ROBO4: variants seen among roughly 807,000 people sequenced by gnomAD.
ROBO4 encodes roundabout homolog 4.
Under a neutral mutation model 103.3 loss-of-function variants are expected in ROBO4, and 80 were observed. The observed-to-expected ratio is 0.77, with a 90% CI of 0.65 to 0.93. ROBO4 has a LOEUF of 0.93. Ranked by LOEUF, ROBO4 falls within the 40% of genes least tolerant of loss-of-function variation. The pLI, the probability that ROBO4 is intolerant of heterozygous loss-of-function variation, is 0.00. For missense variants in ROBO4, 1,333 were observed against 1,305.3 expected (o/e 1.02, Z -0.33); for synonymous variants, 504 against 529.7 (o/e 0.95, Z 0.67).
At position 124,897,171 on chromosome 11, in the gene ROBO4, T is replaced by C. The variant is rs59648931; in HGVS notation, c.161A>G (p.Gln54Arg). ...GGTGGGAGGTGGCTGGCCTGAGGCT[T>C]GGCAGCTCATCCTGGCAGGGCCAGG... Reference protein sequence around the residue: ...QGPGPARMSCQASGQPPPTIR... With the variant: ...QGPGPARMSCRASGQPPPTIR... Residue 54 changes from glutamine to arginine, a missense_variant, in exon 2 of 18, where the codon CAA becomes CGA. By Grantham distance (43) the Gln-to-Arg change is conservative. Transcript: ENST00000306534. 0.26 allele frequency: 403,937 copies of C among 1,539,014 alleles called. 58,299 individuals carry two copies. Among genetic ancestry groups the C allele is most frequent in the African/African-American group, 0.58 (42,450 of 73,138 alleles).
chr11:124,893,854 T>A lies in ROBO4; in HGVS notation c.1504+6A>T. The A allele has an allele frequency of 6.2e-7, 1 of 1,613,128 alleles. No individual in the cohort carries two copies. Among genetic ancestry groups the A allele is most frequent in the Non-Finnish European group, 8.5e-7 (1 of 1,179,672 alleles). On this transcript the variant is annotated splice_donor_region_variant and intron_variant, in intron 9 of 17. Coordinates refer to ENST00000306534, the MANE Select transcript of ROBO4 (RefSeq NM_019055.6). ...GTATACATGTGGGTCCCCCTCAGACTCTCACCTGGGCCCAGGTGCACCCTA... is the reference window on the plus strand; with the variant it reads ...GTATACATGTGGGTCCCCCTCAGACACTCACCTGGGCCCAGGTGCACCCTA...
Position 124,896,670 on chromosome 11 carries a change from A to G in ROBO4, c.401T>C (p.Val134Ala), listed in dbSNP as rs1188147916. The part of the protein sequence containing the change: ...VSRGARLSVA[V>A]LREDFQIQPR... ...CTGGATCTGGAAATCCTCCCGGAGGACTGTGGGGAGGATGGAAGGTGACAC... is the reference window on the plus strand; with the variant it reads ...CTGGATCTGGAAATCCTCCCGGAGGGCTGTGGGGAGGATGGAAGGTGACAC... The change falls in exon 3 of 18, where the codon GTC (valine) becomes GCC (alanine). Residue 134 changes from valine (V) to alanine (A), a missense_variant and splice_region_variant. Val to Ala is a moderately conservative substitution (Grantham distance 64). Coordinates refer to ENST00000306534, the MANE Select transcript of ROBO4 (RefSeq NM_019055.6). 2.5e-6 allele frequency: 4 copies of G among 1,613,652 alleles called. No individual in the cohort carries two copies. Among genetic ancestry groups the G allele is most frequent in the Non-Finnish European group, 3.4e-6 (4 of 1,179,824 alleles).
At chr11:124,893,541 G>A in intron 10 of ROBO4, 147 bp downstream of exon 10, 3 of 746,600 alleles carry the variant, frequency 4.0e-6, no homozygotes, top group Non-Finnish European at 7.3e-6. Context: ...ACAGAGAAAT[G>A]AACTATCAGT....
intron 2 of ROBO4, 121 bp from the exon 3 acceptor site, chr11:124,896,791 C>A: frequency 3.3e-6 from 5 of 1,510,674 alleles, no homozygotes; most frequent in Non-Finnish European, 4.4e-6. Flanking sequence ...CAGCCCCGCC[C>A]CAGCTTGCCC....
At position 124,887,788 on chromosome 11, in the gene ROBO4, C is replaced by A. The variant is rs1348403321; in HGVS notation, c.2001G>T (p.Glu667Asp). The change falls in exon 13 of 18, where the codon GAG becomes GAT. Residue 667 changes from glutamate (E) to aspartate (D), a missense_variant. Physicochemically the swap from Glu to Asp is conservative, Grantham distance 45. Coordinates refer to ENST00000306534, the MANE Select transcript of ROBO4 (RefSeq NM_019055.6). ...TATTTCCTAACTCACAGGCCCGGAGCTCCAAGGAGTGGCTGCCCCGGAGCA... is the reference window on the plus strand; with the variant it reads ...TATTTCCTAACTCACAGGCCCGGAGATCCAAGGAGTGGCTGCCCCGGAGCA... ...SPLLRGSHSL[E>D]LRACELGNRG... 1.9e-6 allele frequency: 3 copies of A among 1,613,916 alleles called. No homozygotes were observed. The highest frequency in any genetic ancestry group is 2.5e-6 in the Non-Finnish European group (3 of 1,179,978).
chr11:124,886,933 C>A (rs1946723582), intron 15 of ROBO4, 44 bp downstream of exon 15: 1 of 1,569,426 alleles, frequency 6.4e-7, no homozygotes, highest in Admixed American at 1.8e-5. Context: ...CGCTTGCCCC[C>A]ACAGCTTTTC....
chr11:124,896,169 C>T, intron 4 of ROBO4, 29 bp downstream of exon 4: 1 of 1,610,970 alleles, frequency 6.2e-7, no homozygotes, highest in Non-Finnish European at 8.5e-7. Flanking sequence ...TGCAGCCTGG[C>T]TCTGATTGTA....
chr11:124,890,586 C>T (rs1946783443), intron 12 of ROBO4, among the ~76,000 whole-genome samples: 1 of 152,206 alleles, frequency 6.6e-6, no homozygotes, highest in South Asian at 2.1e-4. Context: ...CATTCTGACC[C>T]TCTTCCTGTC....
rs868068837 is a variant in ROBO4 at position 124,894,239 on chromosome 11, C to A, written c.1280G>T (p.Gly427Val). The change falls in exon 8 of 18, where the codon GGA (glycine) becomes GTA (valine). Residue 427 changes from glycine to valine, a missense_variant. Gly to Val is a moderately radical substitution (Grantham distance 109, BLOSUM62 -3). Transcript: ENST00000306534. ...GACAGGTCTACTGGGCTCCCCAGCT[C>A]CAGCACCAGTGACTGCAGCCACTTG... ...CVQVAAVTGA[G>V]AGEPSRPVCL... 6.2e-6 allele frequency: 10 copies of A among 1,613,676 alleles called. No homozygotes were observed. The African/African-American group carries it at 1.2e-4, about 19-fold the overall frequency.
In ROBO4 at chr11:124,896,037, C is replaced by G. The variant is rs1591537229; in HGVS notation, c.680-125G>C. ...ACTCCCAGAGTCTCCAGGTCTTGAGCATTCCGATTTCTACTCTAGCAGGGG... is the reference window on the plus strand; with the variant it reads ...ACTCCCAGAGTCTCCAGGTCTTGAGGATTCCGATTTCTACTCTAGCAGGGG... On this transcript the variant is annotated intron_variant, in intron 4 of 17. Transcript: ENST00000306534. 2.6e-6 allele frequency: 4 copies of G among 1,530,232 alleles called. No homozygotes were observed. In the South Asian group the frequency reaches 3.6e-5, roughly 14 times the overall value. 94.8% of individuals were successfully genotyped at this position (1,530,232 alleles called of 1,614,324 possible). A position where few individuals can be genotyped will look rare whatever the true frequency, so the allele number is the denominator to read the frequency against.
chr11:124,892,487 C>G (rs1946815317), intron 10 of ROBO4: 1 of 168,794 alleles, frequency 5.9e-6, no homozygotes, highest in Admixed American at 5.6e-5. Flanking sequence ...CCATCTCACA[C>G]CCTATACCCG....
In ROBO4 at chr11:124,895,610, C is replaced by A; in HGVS notation, c.883G>T (p.Ala295Ser). The change falls in exon 6 of 18, where the codon GCT becomes TCT. Residue 295 changes from alanine (A) to serine (S), a missense_variant. Coordinates refer to ENST00000306534, the MANE Select transcript of ROBO4 (RefSeq NM_019055.6). ...RTQTAPGGQG[A>S]PWAEELLAGW... ...GCCAGCAGCTCCTCTGCCCACGGAG[C>A]TCCCTGGCCTCCCGGGGCAGTCTGG... 1 of 1,613,722 alleles carries A rather than the reference C, an allele frequency of 6.2e-7. No individual in the cohort carries two copies. Among genetic ancestry groups the A allele is most frequent in the Non-Finnish European group, 8.5e-7 (1 of 1,180,030 alleles).
Position 124,887,442 on chromosome 11 carries a change from G to T in ROBO4, c.2114C>A (p.Ser705Tyr). The T allele has an allele frequency of 6.2e-7, 1 of 1,614,052 alleles. No individual in the cohort carries two copies. Among genetic ancestry groups the T allele is most frequent in the Non-Finnish European group, 8.5e-7 (1 of 1,179,972 alleles). Residue 705 changes from serine to tyrosine, a missense_variant, in exon 14 of 18, where the codon TCC becomes TAC. Physicochemically the swap from Ser to Tyr is moderately radical, Grantham distance 144. Coordinates refer to ENST00000306534, the MANE Select transcript of ROBO4 (RefSeq NM_019055.6). ...ATGACGAGTAACCAGCTCATTTGAG[G>T]AGCTGAGGAGTTTCGGTCCCAGGGC... ...WRALGPKLLS[S>Y]SNELVTRHLP...
In ROBO4 at chr11:124,897,608, C is replaced by T. The variant is rs981045148; in HGVS notation, c.70+118G>A. 12 of 816,268 alleles carry T rather than the reference C, an allele frequency of 1.5e-5. No homozygotes were observed. In the East Asian group the frequency reaches 1.7e-4, roughly 12 times the overall value. 50.6% of individuals were successfully genotyped at this position (816,268 alleles called of 1,614,324 possible). A position where few individuals can be genotyped will look rare whatever the true frequency, so the allele number is the denominator to read the frequency against. ...CTTACACACACTCATCATCATCATC[C>T]TCATCCTCATCTCTGGTCCCCCCAC... On this transcript the variant is annotated intron_variant, in intron 1 of 17. Coordinates refer to ENST00000306534, the MANE Select transcript of ROBO4 (RefSeq NM_019055.6).
chr11:124,894,095 C>G (rs754937499), intron 8 of ROBO4, 50 bp from the exon 9 acceptor site: 1 of 1,544,006 alleles, frequency 6.5e-7, no homozygotes, highest in African/African-American at 1.4e-5. Flanking sequence ...GCATTGAGGG[C>G]CTGGCAGGCA....
rs113936570 is a variant in ROBO4 at position 124,890,717 on chromosome 11, T to A, written c.1948+582A>T. 1.2e-3 allele frequency among the ~76,000 whole-genome samples: 189 copies of A among 152,356 alleles called. 1 individual carries two copies. The highest frequency in any genetic ancestry group is 4.3e-3 in the African/African-American group (180 of 41,580). On this transcript the variant is annotated intron_variant, in intron 12 of 17. Coordinates refer to ENST00000306534, the MANE Select transcript of ROBO4 (RefSeq NM_019055.6). ...AAAATGGAGGCTATAATTATTTTTCTCTGAAAAGTCTAAGAATGCAGCTGG... is the reference window on the plus strand; with the variant it reads ...AAAATGGAGGCTATAATTATTTTTCACTGAAAAGTCTAAGAATGCAGCTGG...
chr11:124,886,653 T>G lies in ROBO4; in HGVS notation c.2605A>C (p.Ser869Arg). ...PPRPCLTPTP[S>R]EGSLANGWGS... ...CAACCATTGGCTAAGGAGCCCTCGC[T>G]GGGGGTGGGGGTGAGGCAGGGCCGA... Residue 869 changes from serine to arginine, a missense_variant, in exon 16 of 18, where the codon AGC becomes CGC. Coordinates refer to ENST00000306534, the MANE Select transcript of ROBO4 (RefSeq NM_019055.6). 1 of 1,613,854 alleles carries G rather than the reference T, an allele frequency of 6.2e-7. No homozygotes were observed. The highest frequency in any genetic ancestry group is 1.7e-4 in the Middle Eastern group (1 of 6,056).
rs1946871466 is a variant in ROBO4 at position 124,895,533 on chromosome 11, C to T, written c.960G>A (p.Glu320=). Residue 320 remains glutamate (E), a synonymous_variant, in exon 6 of 18, where the codon GAG becomes GAA. Coordinates refer to ENST00000306534, the MANE Select transcript of ROBO4 (RefSeq NM_019055.6). ...GGCCAGAGGATGGTCTCACTTTGAA[C>T]TCGTAGTCTTGGCCCCAGTGGAGGC... The part of the protein sequence containing the change: ...LGGLHWGQDY[E]FKVRPSSGRA... 6.2e-7 allele frequency: 1 copy of T among 1,612,204 alleles called. No individual in the cohort carries two copies. The highest frequency in any genetic ancestry group is 1.7e-5 in the Admixed American group (1 of 60,012).
Position 124,887,424 on chromosome 11 carries a change from G to C in ROBO4, c.2132C>G (p.Thr711Ser), listed in dbSNP as rs771204316. The C allele has an allele frequency of 6.2e-7, 1 of 1,614,098 alleles. No individual in the cohort carries two copies. Among genetic ancestry groups the C allele is most frequent in the South Asian group, 1.1e-5 (1 of 91,090 alleles). The change falls in exon 14 of 18, where the codon ACT (threonine) becomes AGT (serine). Residue 711 changes from threonine (T) to serine (S), a missense_variant. Physicochemically the swap from Thr to Ser is moderately conservative, Grantham distance 58 (BLOSUM62 1). Transcript: ENST00000306534. ...GAGGGGTGCTGGAGGGAGATGACGAGTAACCAGCTCATTTGAGGAGCTGAG... is the reference window on the plus strand; with the variant it reads ...GAGGGGTGCTGGAGGGAGATGACGACTAACCAGCTCATTTGAGGAGCTGAG... ...KLLSSSNELV[T>S]RHLPPAPLFP...
Sources: gnomAD v4.1 joint callset for allele counts (sites outside exome capture counted in the v4.1 genomes callset) on GRCh38, gnomAD v4.1.1 for gene constraint, MANE v1.5 for transcripts, NCBI Gene and HGNC (gene_info 2026-07-23, HGNC 2026-07-21) for gene names.